The following RBFOX1 variants were observed in gnomAD, a reference collection of about 807,000 sequenced individuals.
RBFOX1 encodes RNA binding fox-1 homolog 1.
In RBFOX1, 8 loss-of-function variants were observed where a neutral mutation model predicts 57.7. That is an observed-to-expected ratio of 0.14 (90% CI 0.08 to 0.25). The LOEUF (loss-of-function observed/expected upper bound fraction) is 0.25, where lower values mean the gene tolerates loss of function less well. Ranked by LOEUF, RBFOX1 falls within the 10% of genes least tolerant of loss-of-function variation. The probability of loss-of-function intolerance (pLI) is 1.00; values close to 1 mark genes in which losing one functional copy is unlikely to be tolerated. For missense variants in RBFOX1, 611 were observed against 548.5 expected (o/e 1.11, Z -1.14); for synonymous variants, 326 against 222.4 (o/e 1.47, Z -4.15).
intron 3 of RBFOX1, among the ~76,000 whole-genome samples, chr16:7,048,715 T>G (rs1300877218): frequency 6.6e-6 from 1 of 152,228 alleles, no homozygotes; most frequent in East Asian, 1.9e-4. Flanking sequence ...TATGTTGATG[T>G]TGGTGTCTGT....
At position 7,567,871 on chromosome 16, in the gene RBFOX1, CTATA is replaced by C. The variant is rs1367677357; in HGVS notation, c.271-11902_271-11899del. Among the ~76,000 whole-genome samples the C allele has an allele frequency of 9.7e-5, 11 of 113,378 alleles. 1 individual carries two copies. The highest frequency in any genetic ancestry group is 3.8e-4 in the African/African-American group (11 of 29,086). 74.4% of individuals were successfully genotyped at this position (113,378 alleles called of 152,430 possible). On this transcript the variant is annotated intron_variant, in intron 5 of 15. Transcript: ENST00000550418. ...TATATATATCCATATATATACCTCT[CTATA>C]TATGCATATGTATACCTATGTATAT... is the stretch of plus-strand genomic sequence containing the variant.
intron 4 of RBFOX1, among the ~76,000 whole-genome samples, chr16:7,346,522 A>C (rs1019817147): frequency 1.3e-5 from 2 of 151,852 alleles, no homozygotes; most frequent in African/African-American, 4.8e-5. Context: ...TCCCAAGCAC[A>C]GATGTTACCA....
chr16:5,627,083 T>G (rs185068346), intron 3 of RBFOX1, among the ~76,000 whole-genome samples: 1 of 152,380 alleles, frequency 6.6e-6, no homozygotes, highest in East Asian at 1.9e-4. Context: ...TCCTCAGAAG[T>G]ATTTAAGCCC....
At chr16:5,482,372 G>C (rs779574343) in intron 2 of RBFOX1, among the ~76,000 whole-genome samples, 28 of 152,184 alleles carry the variant, frequency 1.8e-4, no homozygotes, top group Non-Finnish European at 3.7e-4. Context: ...AAGATGGAAA[G>C]ATGTATGTTT....
At chr16:5,831,473 T>TTATTA (rs2056271261) in intron 3 of RBFOX1, among the ~76,000 whole-genome samples, 23 of 141,518 alleles carry the variant, frequency 1.6e-4, no homozygotes, top group African/African-American at 5.7e-4. Context: ...TCTTTTCTCT[T>TTATTA]TTATTATTAT....
intron 4 of RBFOX1, among the ~76,000 whole-genome samples, chr16:7,481,005 C>T (rs2063801554): frequency 6.6e-6 from 1 of 152,140 alleles, no homozygotes; most frequent in Admixed American, 6.5e-5. Context: ...GCATGATATC[C>T]AAGTGATATG....
intron 13 of RBFOX1, 105 bp from the exon 14 acceptor site, chr16:7,676,669 G>T: frequency 1.0e-6 from 1 of 964,530 alleles, no homozygotes. Flanking sequence ...CTCAACTTTA[G>T]CTCAGTAGAT....
intron 3 of RBFOX1, among the ~76,000 whole-genome samples, chr16:6,739,067 A>G (rs1356744122): frequency 6.6e-6 from 1 of 152,144 alleles, no homozygotes; most frequent in Admixed American, 6.5e-5. Flanking sequence ...GTAAGCTCCT[A>G]CTTCAGACAA....
At chr16:5,548,096 G>A (rs1198193563) in intron 2 of RBFOX1, among the ~76,000 whole-genome samples, 1 of 149,728 alleles carries the variant, frequency 6.7e-6, no homozygotes, top group African/African-American at 2.5e-5. Flanking sequence ...GTGCGGTGGA[G>A]GTTGCAGTGA....
At chr16:7,638,613 T>C (rs2062189111) in intron 11 of RBFOX1, among the ~76,000 whole-genome samples, 2 of 152,056 alleles carry the variant, frequency 1.3e-5, no homozygotes, top group East Asian at 1.9e-4. Context: ...GCAAAATTAT[T>C]CTGTAAAAGG....
chr16:7,346,246 G>T lies in RBFOX1; in HGVS notation c.28-171901G>T, dbSNP rs373344232. 1.2e-4 allele frequency among the ~76,000 whole-genome samples: 19 copies of T among 152,056 alleles called. 2 individuals are homozygous for T. The highest frequency in any genetic ancestry group is 9.2e-4 in the Admixed American group (14 of 15,276). ...CTGTCATTGATGGACATTTGGTTTG[G>T]TTCCAAGCAATGCCCCTGGGCCACA... On this transcript the variant is annotated intron_variant, in intron 4 of 15. Transcript: ENST00000550418.
intron 4 of RBFOX1, among the ~76,000 whole-genome samples, chr16:5,927,761 C>G (rs1339784484): frequency 6.6e-6 from 1 of 152,156 alleles, no homozygotes; most frequent in African/African-American, 2.4e-5. Flanking sequence ...GAATACTATT[C>G]AGCCTTGAAA....
At chr16:7,599,005 A>G (rs1483710064) in intron 9 of RBFOX1, among the ~76,000 whole-genome samples, 1 of 152,226 alleles carries the variant, frequency 6.6e-6, no homozygotes, top group Admixed American at 6.5e-5. Context: ...TTCAACAGGG[A>G]CATACCGTCT....
intron 2 of RBFOX1, among the ~76,000 whole-genome samples, chr16:5,582,696 A>G (rs1237001204): frequency 6.6e-6 from 1 of 151,888 alleles, no homozygotes; most frequent in Non-Finnish European, 1.5e-5. Flanking sequence ...GACCACAGGC[A>G]TGAGCCATCA....
intron 1 of RBFOX1, among the ~76,000 whole-genome samples, chr16:5,304,085 C>T (rs900685301): frequency 2.6e-5 from 4 of 152,164 alleles, no homozygotes; most frequent in Non-Finnish European, 5.9e-5. Flanking sequence ...TCTGACAAAT[C>T]TCCAAAGGAA....
chr16:6,842,162 A>C (rs2093506466), intron 3 of RBFOX1, among the ~76,000 whole-genome samples: 1 of 104,750 alleles, frequency 9.5e-6, no homozygotes, highest in Non-Finnish European at 2.2e-5. Flanking sequence ...TAAAAAATAA[A>C]TAAATAAATA....
chr16:7,628,056 G>T (rs2060352727), intron 10 of RBFOX1, among the ~76,000 whole-genome samples: 1 of 152,066 alleles, frequency 6.6e-6, no homozygotes, highest in Non-Finnish European at 1.5e-5. Context: ...AATCTGTGCT[G>T]TGTCCCAGTG....
chr16:6,870,358 C>A (rs139516605), intron 3 of RBFOX1, among the ~76,000 whole-genome samples: 213 of 152,260 alleles, frequency 1.4e-3, no homozygotes, highest in Middle Eastern at 0.014. Context: ...TTCCAAGATG[C>A]TCCTATTGGA....
At chr16:7,521,598 G>C (rs114268141) in intron 5 of RBFOX1, among the ~76,000 whole-genome samples, 5 of 152,336 alleles carry the variant, frequency 3.3e-5, no homozygotes, top group African/African-American at 1.2e-4. Flanking sequence ...CTGATGTGCA[G>C]ACAAGCTCTC....
Sources: gnomAD v4.1 joint callset for allele counts (sites outside exome capture counted in the v4.1 genomes callset) on GRCh38, gnomAD v4.1.1 for gene constraint, MANE v1.5 for transcripts, NCBI Gene and HGNC (gene_info 2026-07-23, HGNC 2026-07-21) for gene names.